The following SRCAP variants were observed in gnomAD, a reference collection of about 807,000 sequenced individuals.
SRCAP encodes the protein chromatin remodeling protein SRCAP.
In SRCAP, 46 loss-of-function variants were observed where a neutral mutation model predicts 263.1. The observed-to-expected ratio is 0.17, with a 90% CI of 0.14 to 0.22. The LOEUF (loss-of-function observed/expected upper bound fraction) is 0.22. Ranked by LOEUF, SRCAP falls within the 10% of genes least tolerant of loss-of-function variation. The probability of loss-of-function intolerance (pLI) is 1.00; values close to 1 mark genes in which losing one functional copy is unlikely to be tolerated. For synonymous variants in SRCAP, 1,813 were observed against 1,662.1 expected (o/e 1.09, Z -2.21); for missense variants, 3,695 against 4,181.9 (o/e 0.88, Z 3.21).
In SRCAP at chr16:30,711,608, A is replaced by G. The variant is rs2151288339; in HGVS notation, c.1356A>G (p.Ala452=). 6.2e-7 allele frequency: 1 copy of G among 1,611,498 alleles called. No individual in the cohort carries two copies. The highest frequency in any genetic ancestry group is 8.5e-7 in the Non-Finnish European group (1 of 1,179,168). ...LSMEELLQQY[A]GAYAPGSGSS... Reference sequence around the variant, plus strand: ...TGGAGGAGCTATTGCAGCAGTATGCAGGAGCCTATGCCCCAGGCTCTGGGA... The same window carrying G: ...TGGAGGAGCTATTGCAGCAGTATGCGGGAGCCTATGCCCCAGGCTCTGGGA... The change falls in exon 11 of 34, where the codon GCA becomes GCG. Residue 452 remains alanine (A), a synonymous_variant. Coordinates refer to ENST00000262518, the MANE Select transcript of SRCAP (RefSeq NM_006662.3).
chr16:30,703,503 A>T (rs2052792036), intron 3 of SRCAP, among the ~76,000 whole-genome samples: 1 of 151,580 alleles, frequency 6.6e-6, no homozygotes, highest in Admixed American at 6.6e-5. Context: ...CTATATATAT[A>T]TATATTTTTA....
At chr16:30,726,330 G>A (rs899940897) in intron 25 of SRCAP, 1 of 152,200 alleles carries the variant, frequency 6.6e-6, no homozygotes, top group Non-Finnish European at 1.5e-5. Context: ...AACATTTCAT[G>A]TACAAGTTTT....
At chr16:30,710,712 T>C in intron 8 of SRCAP, 42 bp from the exon 9 acceptor site, 6 of 1,603,414 alleles carry the variant, frequency 3.7e-6, no homozygotes, top group Non-Finnish European at 5.1e-6. Flanking sequence ...CTTCTGCTAC[T>C]GTAACCTTAG....
At chr16:30,716,509 A>T (rs1193648715) in intron 18 of SRCAP, 30 bp downstream of exon 18, 1 of 1,583,580 alleles carries the variant, frequency 6.3e-7, no homozygotes, top group Non-Finnish European at 8.6e-7. Context: ...TATGAAATGT[A>T]AAGGTTATCG....
At chr16:30,736,934 C>G (rs2053165814) in intron 33 of SRCAP, 115 bp from the exon 34 acceptor site, 5 of 1,219,790 alleles carry the variant, frequency 4.1e-6, no homozygotes, top group Non-Finnish European at 5.7e-6. Context: ...TTAACTTCCC[C>G]AAGTGCTGGA....
intron 25 of SRCAP, among the ~76,000 whole-genome samples, chr16:30,726,505 C>T (rs1165181304): frequency 2.0e-5 from 3 of 151,968 alleles, no homozygotes; most frequent in African/African-American, 7.2e-5. Flanking sequence ...TCCAGTTTCT[C>T]CACATTTGAG....
chr16:30,699,736 C>G (rs530744144), intron 1 of SRCAP, among the ~76,000 whole-genome samples, 172 bp from the exon 2 acceptor site: 23 of 152,296 alleles, frequency 1.5e-4, no homozygotes, highest in African/African-American at 4.1e-4. Flanking sequence ...CTCCTGCCCC[C>G]AGGCAGGATC....
chr16:30,701,012 A>T, intron 3 of SRCAP, 134 bp downstream of exon 3: 1 of 801,552 alleles, frequency 1.2e-6, no homozygotes, highest in Non-Finnish European at 2.1e-6. Flanking sequence ...GGGCTGTAGT[A>T]TATCAGGTCT....
At chr16:30,710,402 G>A in intron 8 of SRCAP, 1 of 636,332 alleles carries the variant, frequency 1.6e-6, no homozygotes, top group Non-Finnish European at 2.8e-6. Flanking sequence ...ACCGTTACTT[G>A]CCACTTCTCT....
chr16:30,715,579 AAG>A (rs1199184774), intron 16 of SRCAP, among the ~76,000 whole-genome samples: 2 of 151,678 alleles, frequency 1.3e-5, no homozygotes, highest in African/African-American at 4.8e-5. Flanking sequence ...AAAAAAAAAA[AAG>A]AAAACAGGAA....
Position 30,724,229 on chromosome 16 carries a change from C to T in SRCAP, c.4805C>T (p.Pro1602Leu), listed in dbSNP as rs765408980. The T allele has an allele frequency of 1.9e-6, 3 of 1,613,994 alleles. No individual in the cohort carries two copies. The African/African-American group carries it at 4.0e-5, about 22-fold the overall frequency. Residue 1602 changes from proline (P) to leucine (L), a missense_variant, in exon 25 of 34, where the codon CCA becomes CTA. This residue lies in a region of SRCAP where 1,347 missense variants were observed against 1,304.4 expected (regional missense o/e 1.03). Coordinates refer to ENST00000262518, the MANE Select transcript of SRCAP (RefSeq NM_006662.3). ...CAGACAGCAATTCTGGCTCCTTCTC[C>T]AGCTCCTCCTCTGGCTCCTCTTCCG... ...APQTAILAPS[P>L]APPLAPLPVL...
Position 30,738,445 on chromosome 16 carries a change from C to A in SRCAP, c.8405C>A (p.Ser2802Tyr). ...SVRSMSGPES[S>Y]PPIGGPCEAA... ...CGCAGCATGTCAGGGCCAGAATCCT[C>A]CCCTCCCATTGGTGGGCCCTGTGAA... The change falls in exon 34 of 34, where the codon TCC becomes TAC. Residue 2802 changes from serine (S) to tyrosine (Y), a missense_variant. This residue lies in a region of SRCAP where 1,207 missense variants were observed against 1,142.9 expected (regional missense o/e 1.06). Coordinates refer to ENST00000262518, the MANE Select transcript of SRCAP (RefSeq NM_006662.3). 6.4e-7 allele frequency: 1 copy of A among 1,557,626 alleles called. No individual in the cohort carries two copies. Among genetic ancestry groups the A allele is most frequent in the African/African-American group, 1.4e-5 (1 of 73,214 alleles).
At position 30,733,035 on chromosome 16, in the gene SRCAP, C is replaced by G. The variant is rs1285130102; in HGVS notation, c.6128-245C>G. On this transcript the variant is annotated intron_variant, in intron 27 of 33. Transcript: ENST00000262518. The surrounding 1 kb of genome is among the most constrained non-coding windows in gnomAD (Gnocchi z 5.3). ...GTTTTTAGTAGAGACAGGGTCTCAT[C>G]ATGTTGGCCAGGCTGGTCTTGAACT... 6.6e-6 allele frequency among the ~76,000 whole-genome samples: 1 copy of G among 152,170 alleles called. No homozygotes were observed. Among genetic ancestry groups the G allele is most frequent in the Non-Finnish European group, 1.5e-5 (1 of 68,030 alleles).
At position 30,711,986 on chromosome 16, in the gene SRCAP, T is replaced by C. The variant is rs1164544395; in HGVS notation, c.1644T>C (p.Asp548=). ...SQADEEEEDD[D]FGVEYLLARD... ...CAGATGAAGAGGAGGAAGATGATGA[T>C]TTTGGGGTGGAGTACTTGCTTGCCA... The change falls in exon 12 of 34, where the codon GAT becomes GAC. Residue 548 remains aspartate (D), a synonymous_variant. Transcript: ENST00000262518. The C allele has an allele frequency of 3.7e-6, 6 of 1,613,600 alleles. No homozygotes were observed. Among genetic ancestry groups the C allele is most frequent in the Non-Finnish European group, 4.2e-6 (5 of 1,179,928 alleles).
intron 27 of SRCAP, among the ~76,000 whole-genome samples, chr16:30,730,332 A>G (rs897489539): frequency 4.8e-5 from 6 of 124,720 alleles, no homozygotes; most frequent in African/African-American, 1.5e-4. Flanking sequence ...AAAACCAACT[A>G]ACAGTCATTG....
chr16:30,714,755 G>A (rs933700276), intron 16 of SRCAP, among the ~76,000 whole-genome samples: 7 of 150,772 alleles, frequency 4.6e-5, no homozygotes, highest in Admixed American at 2.6e-4. Context: ...CCCTGCCCCC[G>A]CTTGGCCTCC....
chr16:30,710,914 C>T (rs2052883573), intron 9 of SRCAP, 67 bp downstream of exon 9: 3 of 1,599,296 alleles, frequency 1.9e-6, no homozygotes, highest in Non-Finnish European at 2.6e-6. Flanking sequence ...CCTAACCTTT[C>T]AGGCTTTCTC....
chr16:30,700,394 G>A (rs1233957818), intron 2 of SRCAP, among the ~76,000 whole-genome samples: 1 of 152,196 alleles, frequency 6.6e-6, no homozygotes, highest in Non-Finnish European at 1.5e-5. Flanking sequence ...GTCAATATTT[G>A]TTATGCTGTG....
At chr16:30,706,101 A>C (rs982505433) in intron 4 of SRCAP, among the ~76,000 whole-genome samples, 13 of 152,128 alleles carry the variant, frequency 8.5e-5, no homozygotes, top group Non-Finnish European at 1.6e-4. Context: ...CAGGCCATTT[A>C]GTCCTGTCTG....
Sources: allele counts gnomAD v4.1 joint callset (sites outside exome capture counted in the v4.1 genomes callset), GRCh38; gene constraint gnomAD v4.1.1; regional missense constraint gnomAD v4.1.1; non-coding constraint Gnocchi (gnomAD v3.1); transcripts MANE v1.5; gene names NCBI Gene and HGNC (gene_info 2026-07-23, HGNC 2026-07-21).